The following FCHSD2 variants were observed in gnomAD, a reference collection of about 807,000 sequenced individuals.
FCHSD2 encodes FCH and double SH3 domains 2, also known as F-BAR and double SH3 domains protein 2.
FCHSD2 carries 38 observed loss-of-function variants against 108.1 expected under a neutral mutation model. The ratio of observed to expected loss-of-function variants is 0.35; its 90% CI spans 0.27 to 0.46. The LOEUF (loss-of-function observed/expected upper bound fraction) is 0.46, where lower values mean the gene tolerates loss of function less well. Ranked by LOEUF, FCHSD2 falls within the 20% of genes least tolerant of loss-of-function variation. The pLI is 1.00. For synonymous variants in FCHSD2, 279 were observed against 314.7 expected (o/e 0.89, Z 1.20); for missense variants, 751 against 897.8 (o/e 0.84, Z 2.09).
intron 2 of FCHSD2, among the ~76,000 whole-genome samples, chr11:73,139,800 T>TAAAA (rs756584792): frequency 6.6e-6 from 1 of 152,258 alleles, no homozygotes. Context: ...GTAAGACTTT[T>TAAAA]AAGGTCCTTG....
intron 2 of FCHSD2, among the ~76,000 whole-genome samples, chr11:73,105,252 A>T (rs1328482850): frequency 1.3e-5 from 2 of 152,202 alleles, no homozygotes; most frequent in Non-Finnish European, 2.9e-5. Flanking sequence ...TTCCACAATA[A>T]TGTGCTATAA....
intron 8 of FCHSD2, among the ~76,000 whole-genome samples, chr11:72,950,100 AT>A (rs1299811587): frequency 2.0e-5 from 3 of 152,092 alleles, no homozygotes; most frequent in Non-Finnish European, 4.4e-5. Flanking sequence ...TTTCATTGTG[AT>A]TTTGATTTGC....
At chr11:73,090,527 C>T (rs1859932164) in intron 2 of FCHSD2, among the ~76,000 whole-genome samples, 1 of 152,050 alleles carries the variant, frequency 6.6e-6, no homozygotes, top group African/African-American at 2.4e-5. Flanking sequence ...GCGCGGCCTA[C>T]AATACTTCTT....
chr11:72,842,642 A>T lies in FCHSD2; in HGVS notation c.1905T>A (p.Thr635=). The part of the protein sequence containing the change: ...EELSASENGD[T]PWMREIQISP... ...GTACCTGAATCTCTCTCATCCATGG[A>T]GTGTCACCATTTTCTGAGGCTGAAA... Residue 635 remains threonine, a synonymous_variant, in exon 17 of 20, where the codon ACT becomes ACA. Coordinates refer to ENST00000409418, the MANE Select transcript of FCHSD2 (RefSeq NM_014824.3). 1.9e-6 allele frequency: 3 copies of T among 1,613,974 alleles called. No individual in the cohort carries two copies. The highest frequency in any genetic ancestry group is 2.5e-6 in the Non-Finnish European group (3 of 1,179,898).
chr11:72,991,589 T>C (rs890212228), intron 5 of FCHSD2, among the ~76,000 whole-genome samples: 2 of 152,136 alleles, frequency 1.3e-5, no homozygotes, highest in Admixed American at 1.3e-4. Flanking sequence ...ATCCCTGGGA[T>C]GCAAGGCTGG....
At chr11:72,889,268 T>C (rs370859529) in intron 11 of FCHSD2, among the ~76,000 whole-genome samples, 8 of 152,314 alleles carry the variant, frequency 5.3e-5, no homozygotes, top group African/African-American at 1.9e-4. Context: ...GCTATAATTA[T>C]GTCTTTTAAA....
intron 5 of FCHSD2, among the ~76,000 whole-genome samples, chr11:72,999,795 T>C (rs892627952): frequency 1.1e-4 from 17 of 152,194 alleles, no homozygotes; most frequent in African/African-American, 3.1e-4. Context: ...ATGCAGTATT[T>C]CCTCCTGGTT....
At chr11:72,903,317 T>TTC (rs1565314235) in intron 9 of FCHSD2, among the ~76,000 whole-genome samples, 2 of 152,042 alleles carry the variant, frequency 1.3e-5, no homozygotes, top group African/African-American at 4.8e-5. Context: ...CCCGGGTTCA[T>TTC]GCCATTCTCC....
chr11:72,924,445 T>C (rs2135315340), intron 8 of FCHSD2, among the ~76,000 whole-genome samples: 1 of 150,862 alleles, frequency 6.6e-6, no homozygotes, highest in African/African-American at 2.4e-5. Flanking sequence ...ACCCGGCTTT[T>C]TTTTTTTTTT....
chr11:72,867,402 T>C (rs189699139), intron 13 of FCHSD2, among the ~76,000 whole-genome samples: 42 of 152,340 alleles, frequency 2.8e-4, no homozygotes, highest in African/African-American at 9.9e-4. Flanking sequence ...GAGGAGAATA[T>C]GAAAGCTGTC....
At chr11:73,016,957 A>G (rs1260111715) in intron 3 of FCHSD2, among the ~76,000 whole-genome samples, 2 of 152,098 alleles carry the variant, frequency 1.3e-5, no homozygotes, top group African/African-American at 2.4e-5. Flanking sequence ...ACAATGTATT[A>G]TGTTTGTTTT....
intron 10 of FCHSD2, among the ~76,000 whole-genome samples, chr11:72,897,116 A>C (rs1004139203): frequency 1.3e-5 from 2 of 151,918 alleles, no homozygotes; most frequent in African/African-American, 4.8e-5. Context: ...TACAGGCGTG[A>C]GCCACCACGC....
intron 13 of FCHSD2, 27 bp downstream of exon 13, chr11:72,867,838 T>C: frequency 6.3e-7 from 1 of 1,595,002 alleles, no homozygotes; most frequent in Non-Finnish European, 8.6e-7. Context: ...AAAATCAACT[T>C]GTCATATCCA....
chr11:72,953,337 T>C (rs577138971), intron 8 of FCHSD2, among the ~76,000 whole-genome samples: 1 of 152,308 alleles, frequency 6.6e-6, no homozygotes, highest in South Asian at 2.1e-4. Flanking sequence ...TTTTCACAAT[T>C]TCTTTTTCAA....
At chr11:73,115,835 G>A (rs1860589759) in intron 2 of FCHSD2, among the ~76,000 whole-genome samples, 1 of 152,196 alleles carries the variant, frequency 6.6e-6, no homozygotes, top group African/African-American at 2.4e-5. Context: ...CCACATTATT[G>A]AGGGTAGCCT....
At chr11:73,054,222 G>GAA (rs111482231) in intron 3 of FCHSD2, among the ~76,000 whole-genome samples, 1 of 137,468 alleles carries the variant, frequency 7.3e-6, no homozygotes, top group Non-Finnish European at 1.6e-5. Flanking sequence ...GTCCTTTGCA[G>GAA]AAAAAAAAAA....
Position 72,984,989 on chromosome 11 carries a change from C to A in FCHSD2, c.576+73G>T. On this transcript the variant is annotated intron_variant, in intron 7 of 19. Transcript: ENST00000409418. ...AAGGTAGAAATAATCCACCTCCACCCTCAAAGATCCAATTCTCTGTTTTAC... is the reference window on the plus strand; with the variant it reads ...AAGGTAGAAATAATCCACCTCCACCATCAAAGATCCAATTCTCTGTTTTAC... 20 of 681,728 alleles carry A rather than the reference C, an allele frequency of 2.9e-5. No individual in the cohort carries two copies. In the South Asian group the frequency reaches 3.0e-4, roughly 10 times the overall value. The allele number at this position is 681,728 out of a possible 1,614,324, so 42.2% of individuals were successfully genotyped here.
At chr11:72,922,496 C>A (rs1449812457) in intron 8 of FCHSD2, among the ~76,000 whole-genome samples, 1 of 151,780 alleles carries the variant, frequency 6.6e-6, no homozygotes, top group East Asian at 1.9e-4. Flanking sequence ...GGGTTGGAAA[C>A]ATTCTTATTT....
In FCHSD2 at chr11:72,954,927, T is replaced by C. The variant is rs145919003; in HGVS notation, c.705+29161A>G. Among the ~76,000 whole-genome samples, 189 of 152,280 alleles carry C rather than the reference T, an allele frequency of 1.2e-3. No individual in the cohort carries two copies. The Middle Eastern group carries it at 0.014, about 11-fold the overall frequency. On this transcript the variant is annotated intron_variant, in intron 8 of 19. Coordinates refer to ENST00000409418, the MANE Select transcript of FCHSD2 (RefSeq NM_014824.3). ...AGAAACAGATCTGGCTGTATGTATA[T>C]GTAATAAAGATAGGAAAAAACTGAA... is the stretch of plus-strand genomic sequence containing the variant.
Sources: gnomAD v4.1 joint callset for allele counts (sites outside exome capture counted in the v4.1 genomes callset) on GRCh38, gnomAD v4.1.1 for gene constraint, MANE v1.5 for transcripts, NCBI Gene and HGNC (gene_info 2026-07-23, HGNC 2026-07-21) for gene names.